ROBO2: variants seen among roughly 807,000 people sequenced by gnomAD.
ROBO2 encodes the protein roundabout homolog 2.
A neutral mutation model predicts 160.8 loss-of-function variants in ROBO2; 53 were observed. The ratio of observed to expected loss-of-function variants is 0.33; its 90% CI spans 0.26 to 0.41. The LOEUF (loss-of-function observed/expected upper bound fraction) is 0.41. Among genes scored for constraint, ROBO2 ranks in the 10% least tolerant of loss-of-function variants. The pLI is 1.00. For synonymous variants in ROBO2, 664 were observed against 611.7 expected (o/e 1.09, Z -1.26); for missense variants, 1,577 against 1,722.4 (o/e 0.92, Z 1.49).
chr3:77,301,336 A>C (rs1230467097), intron 2 of ROBO2, among the ~76,000 whole-genome samples: 1 of 152,120 alleles, frequency 6.6e-6, no homozygotes. Context: ...ACTGGTGTTA[A>C]AACAGTTCCC....
intron 2 of ROBO2, among the ~76,000 whole-genome samples, chr3:76,140,385 C>A (rs1024824540): frequency 6.6e-6 from 1 of 151,930 alleles, no homozygotes; most frequent in African/African-American, 2.4e-5. Flanking sequence ...CTAGGGTAAT[C>A]TGAGCCAAGC....
At chr3:76,707,614 T>C (rs1165582639) in intron 2 of ROBO2, among the ~76,000 whole-genome samples, 1 of 151,742 alleles carries the variant, frequency 6.6e-6, no homozygotes, top group African/African-American at 2.4e-5. Flanking sequence ...CAGACCTCAG[T>C]TACTAACACC....
intron 21 of ROBO2, among the ~76,000 whole-genome samples, chr3:77,615,931 A>G (rs369733580): frequency 6.6e-6 from 1 of 152,348 alleles, no homozygotes; most frequent in South Asian, 2.1e-4. Flanking sequence ...AGAGATGTAC[A>G]TTTCTGATAT....
chr3:76,591,178 A>G (rs1427715147), intron 2 of ROBO2, among the ~76,000 whole-genome samples: 3 of 152,262 alleles, frequency 2.0e-5, no homozygotes, highest in Admixed American at 6.5e-5. Context: ...TGTGTTATAT[A>G]TTGGATTATT....
intron 2 of ROBO2, among the ~76,000 whole-genome samples, chr3:76,920,992 G>A (rs1330655249): frequency 2.0e-5 from 3 of 152,202 alleles, no homozygotes; most frequent in South Asian, 4.1e-4. Flanking sequence ...TATATGTTCA[G>A]AGGGCGAACA....
chr3:77,244,956 T>TA (rs2151397174), intron 2 of ROBO2, among the ~76,000 whole-genome samples: 1 of 151,166 alleles, frequency 6.6e-6, no homozygotes, highest in South Asian at 2.1e-4. Context: ...GAACAGCTTT[T>TA]TTTTTTTATC....
At chr3:77,455,252 C>T (rs972142299) in intron 2 of ROBO2, among the ~76,000 whole-genome samples, 6 of 151,922 alleles carry the variant, frequency 3.9e-5, no homozygotes, top group Middle Eastern at 3.4e-3. Flanking sequence ...GAATCATTGA[C>T]GGAAACTTGA....
chr3:76,633,911 CTG>C (rs2090170417), intron 2 of ROBO2, among the ~76,000 whole-genome samples: 2 of 152,192 alleles, frequency 1.3e-5, no homozygotes, highest in South Asian at 2.1e-4. Context: ...GCGTTACTGA[CTG>C]AGAGTCAACT....
At chr3:76,409,474 A>G (rs1015195379) in intron 2 of ROBO2, among the ~76,000 whole-genome samples, 1 of 152,108 alleles carries the variant, frequency 6.6e-6, no homozygotes, top group Non-Finnish European at 1.5e-5. Context: ...CAGTTAACAT[A>G]TGATCCATTA....
chr3:77,340,942 T>C (rs2066993812), intron 2 of ROBO2, among the ~76,000 whole-genome samples: 1 of 152,160 alleles, frequency 6.6e-6, no homozygotes, highest in Non-Finnish European at 1.5e-5. Flanking sequence ...ATCAACAAGC[T>C]AGTCTATGGG....
intron 4 of ROBO2, among the ~76,000 whole-genome samples, chr3:77,491,219 A>G (rs904293667): frequency 6.6e-6 from 1 of 152,190 alleles, no homozygotes; most frequent in Non-Finnish European, 1.5e-5. Flanking sequence ...TGAATGAGTC[A>G]GTGGATGAGA....
At chr3:76,555,777 T>G (rs2083750514) in intron 2 of ROBO2, among the ~76,000 whole-genome samples, 1 of 152,086 alleles carries the variant, frequency 6.6e-6, no homozygotes, top group South Asian at 2.1e-4. Flanking sequence ...AAGGGTGGTT[T>G]AATGACCAAA....
intron 2 of ROBO2, among the ~76,000 whole-genome samples, chr3:76,017,736 T>C (rs2066445952): frequency 6.6e-6 from 1 of 152,116 alleles, no homozygotes; most frequent in Admixed American, 6.6e-5. Context: ...TAAAAGTTTC[T>C]ACATTTCAAA....
At chr3:76,031,041 G>C (rs11128500) in intron 2 of ROBO2, among the ~76,000 whole-genome samples, 7,969 of 151,948 alleles carry the variant, frequency 0.052, 630 homozygotes, top group African/African-American at 0.17. Context: ...CTTTTATTTC[G>C]TTGAGCAGTG....
chr3:76,822,354 A>G (rs2066193484), intron 2 of ROBO2, among the ~76,000 whole-genome samples: 1 of 152,018 alleles, frequency 6.6e-6, no homozygotes, highest in Non-Finnish European at 1.5e-5. Flanking sequence ...AAAGTTAACC[A>G]AATTATTCCA....
chr3:76,693,716 T>C (rs1235236641), intron 2 of ROBO2, among the ~76,000 whole-genome samples: 4 of 152,128 alleles, frequency 2.6e-5, no homozygotes, highest in South Asian at 4.1e-4. Context: ...ATGGGGCCAC[T>C]GGTGCAAGTT....
At chr3:77,216,267 C>T (rs919725092) in intron 2 of ROBO2, among the ~76,000 whole-genome samples, 7 of 152,154 alleles carry the variant, frequency 4.6e-5, no homozygotes, top group African/African-American at 9.7e-5. Flanking sequence ...ACTCAAGCCT[C>T]GGCAATGGCG....
intron 2 of ROBO2, among the ~76,000 whole-genome samples, chr3:77,220,805 A>G (rs1349809032): frequency 6.6e-6 from 1 of 152,074 alleles, no homozygotes; most frequent in East Asian, 1.9e-4. Context: ...TACGCAGCAA[A>G]GTTACCCATT....
intron 2 of ROBO2, among the ~76,000 whole-genome samples, chr3:76,680,158 T>C (rs1407315917): frequency 2.0e-5 from 3 of 152,152 alleles, no homozygotes; most frequent in African/African-American, 7.2e-5. Context: ...AACAAATCTA[T>C]TGGACTTGAA....
Sources: allele counts gnomAD v4.1 joint callset (sites outside exome capture counted in the v4.1 genomes callset), GRCh38; gene constraint gnomAD v4.1.1; transcripts MANE v1.5; gene names NCBI Gene and HGNC (gene_info 2026-07-23, HGNC 2026-07-21).